The following UBAP2 variants were observed in gnomAD, a reference collection of about 807,000 sequenced individuals.
UBAP2 encodes the protein ubiquitin associated protein 2.
Under a neutral mutation model 139.6 loss-of-function variants are expected in UBAP2, and 75 were observed. That is an observed-to-expected ratio of 0.54 (90% CI 0.45 to 0.65). The LOEUF is 0.65. UBAP2 is among the 30% of genes least tolerant of loss of function. The pLI is 0.00. For synonymous variants in UBAP2, 526 were observed against 526.2 expected (o/e 1.00, Z 0.01); for missense variants, 1,368 against 1,369.6 (o/e 1.00, Z 0.02).
chr9:33,980,571 A>C (rs1005034545), intron 6 of UBAP2, among the ~76,000 whole-genome samples: 1 of 151,992 alleles, frequency 6.6e-6, no homozygotes. Flanking sequence ...AACACACTCA[A>C]CTACAGCAAA....
intron 7 of UBAP2, among the ~76,000 whole-genome samples, chr9:33,972,181 T>G (rs937255044): frequency 1.1e-4 from 16 of 152,190 alleles, no homozygotes; most frequent in African/African-American, 3.9e-4. Flanking sequence ...TACAGAAACA[T>G]TAGATAAAGA....
chr9:33,994,940 G>A (rs921034034), intron 4 of UBAP2: 2 of 152,056 alleles, frequency 1.3e-5, no homozygotes, highest in African/African-American at 2.4e-5. Flanking sequence ...ACACTGACAC[G>A]GTCAGTTTGT....
intron 19 of UBAP2, 42 bp downstream of exon 19, chr9:33,932,520 C>T (rs770688175): frequency 2.5e-6 from 4 of 1,611,118 alleles, no homozygotes; most frequent in East Asian, 2.2e-5. Flanking sequence ...CTCCAGGCTC[C>T]CCAAGCATGG....
At chr9:34,012,837 T>G (rs1564062173) in intron 2 of UBAP2, among the ~76,000 whole-genome samples, 2 of 136,470 alleles carry the variant, frequency 1.5e-5, no homozygotes, top group Admixed American at 7.9e-5. Flanking sequence ...AATCTCACAA[T>G]GTATTTTTTT....
chr9:33,971,604 T>C lies in UBAP2; in HGVS notation c.679+47A>G, dbSNP rs762992792. 3 of 1,079,018 alleles carry C rather than the reference T, an allele frequency of 2.8e-6. No individual in the cohort carries two copies. In the South Asian group the frequency reaches 3.7e-5, roughly 13 times the overall value. 66.8% of individuals were successfully genotyped at this position (1,079,018 alleles called of 1,614,324 possible). On this transcript the variant is annotated intron_variant, in intron 8 of 28. Transcript: ENST00000379238. ...TTGTATGAGAACATACAACTCTTAA[T>C]AGCTCAAACATTTAAAACTCATCTC...
intron 12 of UBAP2, among the ~76,000 whole-genome samples, chr9:33,949,469 G>A (rs759847052): frequency 2.0e-5 from 3 of 152,082 alleles, no homozygotes; most frequent in African/African-American, 4.8e-5. Flanking sequence ...TTGGGAAGCC[G>A]AGGTGGGTGG....
intron 18 of UBAP2, 40 bp downstream of exon 18, chr9:33,933,450 C>G: frequency 6.2e-7 from 1 of 1,607,422 alleles, no homozygotes; most frequent in Non-Finnish European, 8.5e-7. Context: ...AGGACTTGCC[C>G]CAAGGTACTT....
Position 33,923,777 on chromosome 9 carries a change from A to T in UBAP2, c.2796+18T>A, listed in dbSNP as rs1375798237. On this transcript the variant is annotated intron_variant, in intron 24 of 28. Coordinates refer to ENST00000379238, the MANE Select transcript of UBAP2 (RefSeq NM_001370062.2). ...ACCCAAGGCCAGGAGACACAGTCAC[A>T]CCCTCTGAAATACTCACAAACATGG... The T allele has an allele frequency of 6.2e-6, 10 of 1,612,818 alleles. No homozygotes were observed. The African/African-American group carries it at 1.3e-4, about 22-fold the overall frequency.
rs548437522 is a variant in UBAP2, at chr9:33,944,684, A to T, written c.1271-45T>A. On this transcript the variant is annotated intron_variant, in intron 13 of 28. Coordinates refer to ENST00000379238, the MANE Select transcript of UBAP2 (RefSeq NM_001370062.2). ...ATTAATGAGGCATAATGGCTTCACA[A>T]TGTTCTTCAATAGAACATGAAGTGT... 3.1e-6 allele frequency: 5 copies of T among 1,589,612 alleles called. No individual in the cohort carries two copies. In the Admixed American group the frequency reaches 8.6e-5, roughly 27 times the overall value.
chr9:34,011,969 T>C (rs1158602980), intron 2 of UBAP2, among the ~76,000 whole-genome samples: 1 of 124,836 alleles, frequency 8.0e-6, no homozygotes, highest in African/African-American at 3.0e-5. Flanking sequence ...AAAGTAGGAT[T>C]ATTTATGCCC....
chr9:34,038,977 G>A lies in UBAP2; in HGVS notation c.-42+9848C>T, dbSNP rs546905897. On this transcript the variant is annotated intron_variant, in intron 1 of 28. Transcript: ENST00000379238. ...AGCGCCTCTGCCCGACCGCGACCCC[G>A]TCTGGGAGTTGAGGAGCGTCTCTGC... Among the ~76,000 whole-genome samples, 27 of 148,256 alleles carry A rather than the reference G, an allele frequency of 1.8e-4. No individual in the cohort carries two copies. The Middle Eastern group carries it at 0.019, about 106-fold the overall frequency.
At chr9:33,934,533 C>T (rs1196901273) in intron 17 of UBAP2, among the ~76,000 whole-genome samples, 1 of 152,118 alleles carries the variant, frequency 6.6e-6, no homozygotes, top group Non-Finnish European at 1.5e-5. Context: ...GCAGTCTCTT[C>T]CATATATAAA....
chr9:34,035,492 A>G (rs1279796876), intron 1 of UBAP2, among the ~76,000 whole-genome samples: 1 of 67,656 alleles, frequency 1.5e-5, no homozygotes, highest in East Asian at 6.5e-4. Context: ...ACAGAGCGAG[A>G]CTCCATCTAA....
At chr9:33,990,196 T>C (rs1821580122) in intron 4 of UBAP2, among the ~76,000 whole-genome samples, 1 of 152,202 alleles carries the variant, frequency 6.6e-6, no homozygotes, top group Admixed American at 6.5e-5. Flanking sequence ...TTATTCATAA[T>C]CTGCCTTATT....
At chr9:33,949,978 C>T (rs1825967333) in intron 12 of UBAP2, among the ~76,000 whole-genome samples, 1 of 152,186 alleles carries the variant, frequency 6.6e-6, no homozygotes, top group Admixed American at 6.5e-5. Flanking sequence ...AAGCCTATGA[C>T]TAGAAAAGAC....
intron 4 of UBAP2, among the ~76,000 whole-genome samples, chr9:33,990,689 G>A (rs1054934251): frequency 2.0e-4 from 28 of 141,012 alleles, no homozygotes; most frequent in African/African-American, 7.1e-4. Context: ...AGAGTGGAGT[G>A]CAATGGCACA....
chr9:33,992,409 A>AAC (rs1821790047), intron 4 of UBAP2, among the ~76,000 whole-genome samples: 1 of 150,158 alleles, frequency 6.7e-6, no homozygotes, highest in Non-Finnish European at 1.5e-5. Flanking sequence ...AAAAAAAAAA[A>AAC]ATTAGCCAGG....
At chr9:34,023,112 G>A (rs1631398) in intron 1 of UBAP2, among the ~76,000 whole-genome samples, 91,130 of 151,506 alleles carry the variant, frequency 0.6, 27,772 homozygotes, top group East Asian at 0.81. Context: ...TGTAGTCCCA[G>A]CTACTCGGGA....
At chr9:33,923,674 A>G (rs1395340972) in intron 24 of UBAP2, 121 bp downstream of exon 24, 2 of 1,160,734 alleles carry the variant, frequency 1.7e-6, no homozygotes, top group African/African-American at 3.0e-5. Flanking sequence ...ACAGTTTCTG[A>G]AGACCAGGTA....
Sources: gnomAD v4.1 joint callset for allele counts (sites outside exome capture counted in the v4.1 genomes callset) on GRCh38, gnomAD v4.1.1 for gene constraint, MANE v1.5 for transcripts, NCBI Gene and HGNC (gene_info 2026-07-23, HGNC 2026-07-21) for gene names.